ARNT2: variants seen among roughly 807,000 people sequenced by gnomAD.
ARNT2 encodes aryl hydrocarbon receptor nuclear translocator 2, also known as ARNT protein 2.
ARNT2 carries 36 observed loss-of-function variants against 91.7 expected under a neutral mutation model. That is an observed-to-expected ratio of 0.39 (90% CI 0.30 to 0.52). The LOEUF (loss-of-function observed/expected upper bound fraction) is 0.52. ARNT2 is among the 20% of genes least tolerant of loss of function. The pLI, the probability that ARNT2 is intolerant of heterozygous loss-of-function variation, is 0.72. For missense variants in ARNT2, 775 were observed against 939.3 expected, an observed-to-expected ratio of 0.83 and a Z score of 2.29; for synonymous variants, 365 against 347.1, an observed-to-expected ratio of 1.05 and a Z score of -0.57.
chr15:80,457,484 A>C lies in ARNT2; in HGVS notation c.147-445A>C, dbSNP rs927453206. On this transcript the variant is annotated intron_variant, in intron 2 of 18. Coordinates refer to ENST00000303329, the MANE Select transcript of ARNT2 (RefSeq NM_014862.4). ...AAACTTCTGTTTTCAAAATCCCGTG[A>C]GCCTTTTTAGGCTCTTAATATACCA... is the stretch of plus-strand genomic sequence containing the variant. Among the ~76,000 whole-genome samples, 7 of 152,336 alleles carry C rather than the reference A, an allele frequency of 4.6e-5. 1 individual carries two copies.
chr15:80,506,494 G>A (rs1423976947), intron 5 of ARNT2, among the ~76,000 whole-genome samples: 1 of 152,232 alleles, frequency 6.6e-6, no homozygotes, highest in Non-Finnish European at 1.5e-5. Context: ...TGAGGACAGT[G>A]CAGGGTGGTA....
At chr15:80,460,741 T>A (rs924135322) in intron 3 of ARNT2, among the ~76,000 whole-genome samples, 5 of 152,166 alleles carry the variant, frequency 3.3e-5, no homozygotes, top group African/African-American at 1.2e-4. Flanking sequence ...AACAACTCTT[T>A]GAGCAGTTTG....
chr15:80,452,736 C>CTACTAGTACTTA (rs1896417166), intron 2 of ARNT2, among the ~76,000 whole-genome samples: 9 of 152,078 alleles, frequency 5.9e-5, no homozygotes, highest in Admixed American at 5.9e-4. Context: ...ACTTACAGGA[C>CTACTAGTACTTA]CAGAAACCGT....
intron 3 of ARNT2, 86 bp from the exon 4 acceptor site, chr15:80,470,131 GT>G: frequency 7.5e-7 from 1 of 1,331,070 alleles, no homozygotes; most frequent in South Asian, 1.4e-5. Flanking sequence ...GTCATTTGGT[GT>G]TAATGGTTTT....
intron 8 of ARNT2, among the ~76,000 whole-genome samples, chr15:80,518,772 G>A (rs1897484041): frequency 2.0e-5 from 3 of 152,268 alleles, no homozygotes; most frequent in African/African-American, 7.2e-5. Flanking sequence ...CATATGGGAA[G>A]GATAGAGTTG....
rs537679901 is a variant in ARNT2, at chr15:80,412,151, G to A, written c.31+7605G>A. Among the ~76,000 whole-genome samples, 10 of 152,306 alleles carry A rather than the reference G, an allele frequency of 6.6e-5. No individual in the cohort carries two copies. In the South Asian group the frequency reaches 1.9e-3, roughly 28 times the overall value. The stretch of plus-strand genomic sequence containing the variant: ...CTTTGCAGATAAGCAGAGACTCTGT[G>A]GCTGCCAAGTCTATAACAATTTGAC... On this transcript the variant is annotated intron_variant, in intron 1 of 18. Transcript: ENST00000303329.
intron 1 of ARNT2, among the ~76,000 whole-genome samples, chr15:80,446,287 T>C (rs1896303042): frequency 6.6e-6 from 1 of 152,160 alleles, no homozygotes; most frequent in Admixed American, 6.5e-5. Flanking sequence ...CTAGACATGA[T>C]AAATAATTGG....
rs139704195 is a variant in ARNT2 at position 80,518,933 on chromosome 15, G to T, written c.877+4528G>T. Among the ~76,000 whole-genome samples the T allele has an allele frequency of 2.2e-4, 33 of 152,262 alleles. 1 individual carries two copies. In the East Asian group the frequency reaches 6.0e-3, roughly 28 times the overall value. On this transcript the variant is annotated intron_variant, in intron 8 of 18. Coordinates refer to ENST00000303329, the MANE Select transcript of ARNT2 (RefSeq NM_014862.4). ...TCTCCCCCTACCAGAGATTGGGGGGGTGATTTTTCTTGGTTTTTCACTGTG... is the reference window on the plus strand; with the variant it reads ...TCTCCCCCTACCAGAGATTGGGGGGTTGATTTTTCTTGGTTTTTCACTGTG...
chr15:80,538,602 G>A (rs995547858), intron 8 of ARNT2, among the ~76,000 whole-genome samples: 3 of 152,072 alleles, frequency 2.0e-5, no homozygotes, highest in African/African-American at 7.2e-5. Context: ...ATGTTTAGAG[G>A]AAACCTGTGG....
chr15:80,453,825 G>A (rs571224330), intron 2 of ARNT2, among the ~76,000 whole-genome samples: 5 of 152,274 alleles, frequency 3.3e-5, no homozygotes, highest in African/African-American at 9.6e-5. Context: ...GTGGTGGAAG[G>A]GGGTAGTGGC....
At chr15:80,426,231 C>T (rs1895930563) in intron 1 of ARNT2, among the ~76,000 whole-genome samples, 1 of 152,120 alleles carries the variant, frequency 6.6e-6, no homozygotes, top group Admixed American at 6.5e-5. Flanking sequence ...TGCATGGATA[C>T]AAGAGAAAAG....
intron 8 of ARNT2, among the ~76,000 whole-genome samples, chr15:80,525,071 TC>T (rs1223189498): frequency 1.1e-4 from 15 of 137,670 alleles, no homozygotes; most frequent in African/African-American, 2.9e-4. Flanking sequence ...TCTTTTCTAT[TC>T]ATTTCTGTAT....
chr15:80,502,320 G>A (rs917060204), intron 5 of ARNT2, among the ~76,000 whole-genome samples: 17 of 152,236 alleles, frequency 1.1e-4, no homozygotes, highest in African/African-American at 2.4e-4. Context: ...GGAGGAAAGC[G>A]TGCTCAGAAT....
At chr15:80,492,282 C>T (rs1897068182) in intron 5 of ARNT2, among the ~76,000 whole-genome samples, 1 of 152,214 alleles carries the variant, frequency 6.6e-6, no homozygotes, top group African/African-American at 2.4e-5. Flanking sequence ...AAGCCATCCT[C>T]CTGCCTCAGC....
At chr15:80,501,380 G>A (rs150912581) in intron 5 of ARNT2, among the ~76,000 whole-genome samples, 2 of 152,192 alleles carry the variant, frequency 1.3e-5, no homozygotes, top group South Asian at 2.1e-4. Flanking sequence ...TAAAGAACAG[G>A]CATGCATAGA....
At chr15:80,417,450 A>C (rs1941910632) in intron 1 of ARNT2, among the ~76,000 whole-genome samples, 1 of 152,146 alleles carries the variant, frequency 6.6e-6, no homozygotes, top group Non-Finnish European at 1.5e-5. Flanking sequence ...GGGAGGTTAT[A>C]ATTTGTCTGC....
At chr15:80,430,069 T>C (rs1208637341) in intron 1 of ARNT2, among the ~76,000 whole-genome samples, 2 of 152,204 alleles carry the variant, frequency 1.3e-5, no homozygotes, top group South Asian at 2.1e-4. Flanking sequence ...AGGATCTGTC[T>C]GTCCTCTCAG....
At chr15:80,464,112 C>G (rs533702765) in intron 3 of ARNT2, among the ~76,000 whole-genome samples, 1 of 152,250 alleles carries the variant, frequency 6.6e-6, no homozygotes, top group East Asian at 1.9e-4. Flanking sequence ...ATATTCTTCC[C>G]CCATAAAGCC....
At chr15:80,559,971 C>T (rs1233842990) in intron 11 of ARNT2, 1 of 152,558 alleles carries the variant, frequency 6.6e-6, no homozygotes, top group Non-Finnish European at 1.5e-5. Context: ...CTCAGGTTTC[C>T]CAGCCTCCCA....
Sources: gnomAD v4.1 joint callset for allele counts (sites outside exome capture counted in the v4.1 genomes callset) on GRCh38, gnomAD v4.1.1 for gene constraint, MANE v1.5 for transcripts, NCBI Gene and HGNC (gene_info 2026-07-23, HGNC 2026-07-21) for gene names.